The following SERINC5 variants were observed in gnomAD, a reference collection of about 807,000 sequenced individuals.
SERINC5 encodes chromosome 5 open reading frame 12.
In SERINC5, 41 loss-of-function variants were observed where a neutral mutation model predicts 63.1. That is an observed-to-expected ratio of 0.65 (90% CI 0.51 to 0.84). SERINC5 has a LOEUF of 0.84. Ranked by LOEUF, SERINC5 falls within the 40% of genes least tolerant of loss-of-function variation. The probability of loss-of-function intolerance (pLI) is 0.00; values close to 1 mark genes in which losing one functional copy is unlikely to be tolerated. For synonymous variants in SERINC5, 222 were observed against 215.2 expected (o/e 1.03, Z -0.28); for missense variants, 523 against 573.0 (o/e 0.91, Z 0.89).
intron 1 of SERINC5, among the ~76,000 whole-genome samples, chr5:80,219,979 AGGTG>A (rs1273938645): frequency 6.6e-6 from 1 of 152,060 alleles, no homozygotes; most frequent in Non-Finnish European, 1.5e-5. Context: ...AGGCCGAGGC[AGGTG>A]GATCACCTGA....
chr5:80,182,779 C>A (rs1278874483), intron 2 of SERINC5, among the ~76,000 whole-genome samples: 1 of 152,166 alleles, frequency 6.6e-6, no homozygotes, highest in Non-Finnish European at 1.5e-5. Flanking sequence ...CTCCTGGCCT[C>A]AAATGATCCG....
At chr5:80,181,416 T>TGTGTGTGTG (rs1580124918) in intron 2 of SERINC5, among the ~76,000 whole-genome samples, 25 of 145,444 alleles carry the variant, frequency 1.7e-4, no homozygotes, top group African/African-American at 4.3e-4. Context: ...TCAGCTAATT[T>TGTGTGTGTG]TGTGTGTGTG....
At chr5:80,218,798 G>T (rs115985360) in intron 1 of SERINC5, among the ~76,000 whole-genome samples, 1 of 151,642 alleles carries the variant, frequency 6.6e-6, no homozygotes. Context: ...ATCACCCCAC[G>T]TGCAGATTCA....
At chr5:80,173,536 CA>C (rs1356667203) in intron 5 of SERINC5, among the ~76,000 whole-genome samples, 1 of 152,154 alleles carries the variant, frequency 6.6e-6, no homozygotes. Context: ...GCGGAGCTTG[CA>C]GTGAGCCGAG....
chr5:80,247,623 T>C (rs937371563), intron 1 of SERINC5, among the ~76,000 whole-genome samples: 2 of 152,156 alleles, frequency 1.3e-5, no homozygotes, highest in African/African-American at 2.4e-5. Context: ...CTCTCCATAC[T>C]GTTCAAGGTA....
At chr5:80,233,601 C>CT (rs906067072) in intron 1 of SERINC5, among the ~76,000 whole-genome samples, 26 of 150,696 alleles carry the variant, frequency 1.7e-4, no homozygotes, top group Non-Finnish European at 2.4e-4. Flanking sequence ...AAAACTAGGA[C>CT]TTTTTTTTTG....
At chr5:80,138,345 CA>C (rs1345901253), downstream of SERINC5, among the ~76,000 whole-genome samples, 1 of 152,114 alleles carries the variant, frequency 6.6e-6, no homozygotes, top group African/African-American at 2.4e-5. Flanking sequence ...TCTGTAATCC[CA>C]GCACTTTGGG....
intron 2 of SERINC5, among the ~76,000 whole-genome samples, chr5:80,181,789 A>G (rs1246270944): frequency 6.6e-6 from 1 of 152,140 alleles, no homozygotes; most frequent in East Asian, 1.9e-4. Context: ...CTGTGGCCAT[A>G]AAAAGGGTAG....
intron 1 of SERINC5, among the ~76,000 whole-genome samples, chr5:80,221,295 T>C (rs1296104005): frequency 1.3e-5 from 2 of 152,198 alleles, no homozygotes; most frequent in Admixed American, 1.3e-4. Flanking sequence ...AATAATCCTG[T>C]GTTCAAGTGA....
At chr5:80,214,750 A>T (rs539369601) in intron 1 of SERINC5, among the ~76,000 whole-genome samples, 1 of 152,246 alleles carries the variant, frequency 6.6e-6, no homozygotes, top group Admixed American at 6.5e-5. Flanking sequence ...TACAAAAATT[A>T]GCCAGGTGTG....
downstream of SERINC5, among the ~76,000 whole-genome samples, chr5:80,111,323 T>C (rs1246136235): frequency 1.3e-5 from 2 of 152,008 alleles, no homozygotes; most frequent in Admixed American, 6.6e-5. Flanking sequence ...GTTTTATACT[T>C]TGGTTTAGAG....
chr5:80,172,291 A>AACAGAGCAAGATCTGTT, intron 5 of SERINC5, among the ~76,000 whole-genome samples: 1 of 152,228 alleles, frequency 6.6e-6, no homozygotes, highest in South Asian at 2.1e-4. Flanking sequence ...ACTGCACTCT[A>AACAGAGCAAGATCTGTT]GCCTGGGCAA....
intron 1 of SERINC5, among the ~76,000 whole-genome samples, chr5:80,253,916 G>T (rs1449393319): frequency 6.6e-6 from 1 of 152,154 alleles, no homozygotes; most frequent in African/African-American, 2.4e-5. Flanking sequence ...GGTGCTGTGA[G>T]GTTTTGTTTG....
At chr5:80,146,402 C>T (rs374456769) in intron 10 of SERINC5, among the ~76,000 whole-genome samples, 168 bp from the exon 11 acceptor site, 2 of 152,230 alleles carry the variant, frequency 1.3e-5, no homozygotes, top group Admixed American at 6.5e-5. Context: ...ACCCCCACTC[C>T]ACCCTAGCAA....
downstream of SERINC5, among the ~76,000 whole-genome samples, chr5:80,137,155 A>C (rs9765306): frequency 0.035 from 3,797 of 109,072 alleles, 115 homozygotes; most frequent in African/African-American, 0.088. Context: ...AAAAAAAAAA[A>C]AAAAAAAACA....
At chr5:80,154,081 T>C (rs941238299) in intron 8 of SERINC5, among the ~76,000 whole-genome samples, 6 of 152,158 alleles carry the variant, frequency 3.9e-5, no homozygotes, top group African/African-American at 1.4e-4. Context: ...CTTTGTGCAA[T>C]GATGAAGATC....
In SERINC5 at chr5:80,140,081, G is replaced by T; in HGVS notation, c.*3582C>A. ...GCAGTGGTTTACGCCTATAATCCCA[G>T]CACTTTGGGAAGCCAAGGCGGGCAC... On this transcript the variant is annotated 3_prime_UTR_variant, in exon 12 of 12. Coordinates refer to ENST00000507668, the MANE Select transcript of SERINC5 (RefSeq NM_001174072.3). 4.1e-6 allele frequency: 4 copies of T among 977,520 alleles called. No homozygotes were observed. Among genetic ancestry groups the T allele is most frequent in the Non-Finnish European group, 4.9e-6 (4 of 822,788 alleles). 60.6% of individuals were successfully genotyped at this position (977,520 alleles called of 1,614,324 possible).
intron 1 of SERINC5, among the ~76,000 whole-genome samples, chr5:80,228,841 A>G (rs1751290245): frequency 6.6e-6 from 1 of 152,116 alleles, no homozygotes; most frequent in Non-Finnish European, 1.5e-5. Context: ...TAGCATTAGA[A>G]TACCTCACAC....
Position 80,140,743 on chromosome 5 carries a change from C to T in SERINC5, c.*2920G>A, listed in dbSNP as rs890968797. 30 of 985,170 alleles carry T rather than the reference C, an allele frequency of 3.0e-5. No homozygotes were observed. Among genetic ancestry groups the T allele is most frequent in the Non-Finnish European group, 3.5e-5 (29 of 829,916 alleles). The allele number at this position is 985,170 out of a possible 1,614,324, so 61.0% of individuals were successfully genotyped here. On this transcript the variant is annotated 3_prime_UTR_variant, in exon 12 of 12. Coordinates refer to ENST00000507668, the MANE Select transcript of SERINC5 (RefSeq NM_001174072.3). Reference sequence around the variant, plus strand: ...AGAACCCCCACCCCCCTGCCACCCACTTAGTGTTTTTACTCATAAAAATGA... The same window carrying T: ...AGAACCCCCACCCCCCTGCCACCCATTTAGTGTTTTTACTCATAAAAATGA...
Sources: allele counts gnomAD v4.1 joint callset (sites outside exome capture counted in the v4.1 genomes callset), GRCh38; gene constraint gnomAD v4.1.1; transcripts MANE v1.5; gene names NCBI Gene and HGNC (gene_info 2026-07-23, HGNC 2026-07-21).